Variants in ZNF326 observed in about 807,000 individuals in gnomAD.
ZNF326 encodes DBIRD complex subunit ZNF326.
Under a neutral mutation model 63.1 loss-of-function variants are expected in ZNF326, and 30 were observed. That is an observed-to-expected ratio of 0.48 (90% CI 0.36 to 0.64). ZNF326 has a LOEUF of 0.64. ZNF326 is among the 30% of genes least tolerant of loss of function. The pLI is 0.00. For missense variants in ZNF326, 609 were observed against 720.3 expected (o/e 0.85, Z 1.77); for synonymous variants, 194 against 228.2 (o/e 0.85, Z 1.35).
At chr1:90,015,337 G>A (rs1248581172) in intron 7 of ZNF326, among the ~76,000 whole-genome samples, 1 of 152,176 alleles carries the variant, frequency 6.6e-6, no homozygotes, top group Middle Eastern at 3.2e-3. Context: ...AGTGTATGGT[G>A]AAGGATACCA....
intron 6 of ZNF326, among the ~76,000 whole-genome samples, chr1:90,011,075 C>T (rs887815587): frequency 2.0e-5 from 3 of 152,038 alleles, no homozygotes; most frequent in Non-Finnish European, 1.5e-5. Flanking sequence ...ATATTTTGCA[C>T]GTATGGTTAA....
At chr1:90,006,334 T>A (rs1388460544) in intron 4 of ZNF326, 1 of 977,816 alleles carries the variant, frequency 1.0e-6, no homozygotes, top group East Asian at 1.1e-4. Flanking sequence ...ATATGTCAGT[T>A]ATTGCCCTTT....
rs911424104 is a variant in ZNF326, at chr1:90,028,510, G to C, written c.*809G>C. 1 of 152,056 alleles carries C rather than the reference G, an allele frequency of 6.6e-6. No individual in the cohort carries two copies. The highest frequency in any genetic ancestry group is 1.5e-5 in the Non-Finnish European group (1 of 68,014). 9.4% of individuals were successfully genotyped at this position (152,056 alleles called of 1,614,324 possible). A position where few individuals can be genotyped will look rare whatever the true frequency, so the allele number is the denominator to read the frequency against. ...TGCCTGTGTCAAATCTTCAAGTCTT[G>C]CTGAAAATACATTTGATACAAAGTT... On this transcript the variant is annotated 3_prime_UTR_variant, in exon 12 of 12. Transcript: ENST00000340281.
Position 90,015,015 on chromosome 1 carries a change from C to T in ZNF326, c.926+1778C>T, listed in dbSNP as rs1570310697. ...ATATAGAGAAAATGAAAGAATTGAA[C>T]TTTCATTTAGCTATTTTCTCTGTAA... On this transcript the variant is annotated intron_variant, in intron 7 of 11. Transcript: ENST00000340281. 2.0e-5 allele frequency among the ~76,000 whole-genome samples: 3 copies of T among 151,936 alleles called. No homozygotes were observed. The South Asian group carries it at 6.2e-4, about 32-fold the overall frequency.
At position 90,029,366 on chromosome 1, in the gene ZNF326, A is replaced by G. The variant is rs1157144531; in HGVS notation, c.*1665A>G. The G allele has an allele frequency of 1.3e-5, 2 of 151,436 alleles. No homozygotes were observed. Among genetic ancestry groups the G allele is most frequent in the Admixed American group, 1.3e-4 (2 of 15,160 alleles). 9.4% of individuals were successfully genotyped at this position (151,436 alleles called of 1,614,324 possible). A position where few individuals can be genotyped will look rare whatever the true frequency, so the allele number is the denominator to read the frequency against. On this transcript the variant is annotated 3_prime_UTR_variant, in exon 12 of 12. Transcript: ENST00000340281. ...TAGATACTTGCATCTAATTTTAGGG[A>G]TTTGGTGCCAAATAAGAGAAGGGTA...
At position 90,028,727 on chromosome 1, in the gene ZNF326, TTTA is replaced by T. The variant is rs771065790; in HGVS notation, c.*1029_*1031del. ...TGATAGAGGATCTATTCTTAAATAA[TTTA>T]TTTTCAAACAACCGTCTATGTCACT... On this transcript the variant is annotated 3_prime_UTR_variant, in exon 12 of 12. Coordinates refer to ENST00000340281, the MANE Select transcript of ZNF326 (RefSeq NM_182976.4). 6.6e-6 allele frequency: 1 copy of T among 152,290 alleles called. No homozygotes were observed. Among genetic ancestry groups the T allele is most frequent in the East Asian group, 1.9e-4 (1 of 5,192 alleles). The allele number at this position is 152,290 out of a possible 1,614,324, so 9.4% of individuals were successfully genotyped here.
In ZNF326 at chr1:90,007,813, C is replaced by T. The variant is rs1002685912; in HGVS notation, c.615+63C>T. On this transcript the variant is annotated intron_variant, in intron 5 of 11. Transcript: ENST00000340281. The surrounding 1 kb of genome is among the most constrained non-coding windows in gnomAD (Gnocchi z 4.9). ...GTCACTCTTTTAAACCCTTTCAAGACCATCGTTTTCAACTAGAATAAACAC... is the reference window on the plus strand; with the variant it reads ...GTCACTCTTTTAAACCCTTTCAAGATCATCGTTTTCAACTAGAATAAACAC... 2 of 1,378,456 alleles carry T rather than the reference C, an allele frequency of 1.5e-6. No homozygotes were observed. Among genetic ancestry groups the T allele is most frequent in the Admixed American group, 2.7e-5 (1 of 37,570 alleles). 85.4% of individuals were successfully genotyped at this position (1,378,456 alleles called of 1,614,324 possible).
intron 10 of ZNF326, 93 bp from the exon 11 acceptor site, chr1:90,022,157 C>A: frequency 1.1e-6 from 1 of 877,282 alleles, no homozygotes; most frequent in African/African-American, 1.7e-5. Context: ...TCATTTAAAT[C>A]TAAGGGTTTG....
intron 4 of ZNF326, 112 bp downstream of exon 4, chr1:90,005,356 T>A (rs11808927): frequency 0.58 from 841,550 of 1,456,718 alleles, 247,164 homozygotes; most frequent in East Asian, 0.91. Context: ...TGTTTGCTAT[T>A]GAATCATCAC....
In ZNF326 at chr1:90,032,452, T is replaced by G. The variant is rs891809743; in HGVS notation, c.*4751T>G. 1.3e-5 allele frequency: 2 copies of G among 152,158 alleles called. No individual in the cohort carries two copies. Among genetic ancestry groups the G allele is most frequent in the African/African-American group, 4.8e-5 (2 of 41,428 alleles). 9.4% of individuals were successfully genotyped at this position (152,158 alleles called of 1,614,324 possible). ...GAGAGTTAGATTAAAATGGCATGCT[T>G]GATTCAAGTCATTAAATTCTAAAGT... On this transcript the variant is annotated 3_prime_UTR_variant, in exon 12 of 12. Coordinates refer to ENST00000340281, the MANE Select transcript of ZNF326 (RefSeq NM_182976.4).
chr1:89,998,095 A>G lies in ZNF326; in HGVS notation c.17-15A>G, dbSNP rs527515228. The G allele has an allele frequency of 4.4e-6, 7 of 1,609,170 alleles. No individual in the cohort carries two copies. The highest frequency in any genetic ancestry group is 5.9e-6 in the Non-Finnish European group (7 of 1,178,140). On this transcript the variant is annotated splice_polypyrimidine_tract_variant and intron_variant, in intron 1 of 11. Transcript: ENST00000340281. Reference sequence around the variant, plus strand: ...ATATCACACTAATTCCTTTTTGTTAAATGTGTCTTCATAGATTACACACAC... The same window carrying G: ...ATATCACACTAATTCCTTTTTGTTAGATGTGTCTTCATAGATTACACACAC...
intron 1 of ZNF326, 105 bp from the exon 2 acceptor site, chr1:89,998,005 T>A: frequency 1.1e-6 from 1 of 933,188 alleles, no homozygotes; most frequent in Non-Finnish European, 1.7e-6. Context: ...ATAATTGGGT[T>A]AATGTCATTT....
intron 6 of ZNF326, among the ~76,000 whole-genome samples, chr1:90,010,816 A>C (rs759918368): frequency 6.6e-5 from 10 of 152,148 alleles, no homozygotes; most frequent in Non-Finnish European, 8.8e-5. Flanking sequence ...ATTTTCTATA[A>C]TATAAAATTT....
rs1648274705 is a variant in ZNF326, at chr1:89,995,153, T to C, written c.-105T>C. On this transcript the variant is annotated 5_prime_UTR_variant, in exon 1 of 12. Coordinates refer to ENST00000340281, the MANE Select transcript of ZNF326 (RefSeq NM_182976.4). ...GGCTCCCGGGCTGGTAGCGCGCCGC[T>C]CTCGGTCGCGCGGAGTGATCGTGTG... 1.4e-6 allele frequency: 2 copies of C among 1,388,544 alleles called. No individual in the cohort carries two copies. The highest frequency in any genetic ancestry group is 2.2e-5 in the Admixed American group (1 of 46,412). The allele number at this position is 1,388,544 out of a possible 1,614,324, so 86.0% of individuals were successfully genotyped here. A position where few individuals can be genotyped will look rare whatever the true frequency, so the allele number is the denominator to read the frequency against.
chr1:89,995,116 G>T lies in ZNF326; in HGVS notation c.-142G>T, dbSNP rs907727014. 1.5e-5 allele frequency: 16 copies of T among 1,039,246 alleles called. No individual in the cohort carries two copies. In the African/African-American group the frequency reaches 2.5e-4, roughly 16 times the overall value. 64.4% of individuals were successfully genotyped at this position (1,039,246 alleles called of 1,614,324 possible). A position where few individuals can be genotyped will look rare whatever the true frequency, so the allele number is the denominator to read the frequency against. The stretch of plus-strand genomic sequence containing the variant: ...CGGTCGGCCCCGCCTCCCCAGCCTC[G>T]CTGTGGCCTGCGGCTCCCGGGCTGG... On this transcript the variant is annotated 5_prime_UTR_variant, in exon 1 of 12. Coordinates refer to ENST00000340281, the MANE Select transcript of ZNF326 (RefSeq NM_182976.4).
chr1:90,016,380 G>T (rs1649502568), intron 7 of ZNF326, among the ~76,000 whole-genome samples: 1 of 152,098 alleles, frequency 6.6e-6, no homozygotes, highest in Admixed American at 6.5e-5. Context: ...AACCAGTTAT[G>T]TGACTGCTGG....
chr1:90,015,797 G>A (rs1386365057), intron 7 of ZNF326, among the ~76,000 whole-genome samples: 1 of 152,188 alleles, frequency 6.6e-6, no homozygotes, highest in African/African-American at 2.4e-5. Context: ...AGGCAGCCCA[G>A]GTAGAGGCCA....
At chr1:90,001,113 C>T (rs1452108375) in intron 2 of ZNF326, among the ~76,000 whole-genome samples, 1 of 152,150 alleles carries the variant, frequency 6.6e-6, no homozygotes, top group Non-Finnish European at 1.5e-5. Context: ...GAACATTTAG[C>T]AGCCTCCTTG....
chr1:90,024,997 T>C (rs543405925), intron 11 of ZNF326, among the ~76,000 whole-genome samples: 40 of 148,114 alleles, frequency 2.7e-4, no homozygotes, highest in African/African-American at 6.8e-4. Flanking sequence ...TTTTTTTTTT[T>C]CTAATCTTCC....
Sources: gnomAD v4.1 joint callset for allele counts (sites outside exome capture counted in the v4.1 genomes callset) on GRCh38, gnomAD v4.1.1 for gene constraint, Gnocchi (gnomAD v3.1) non-coding constraint, MANE v1.5 for transcripts, NCBI Gene and HGNC (gene_info 2026-07-23, HGNC 2026-07-21) for gene names.